Variants in CEP164 observed in about 807,000 individuals in gnomAD.
The protein encoded by CEP164 is centrosomal protein 164, also known as centrosomal protein of 164 kDa.
Under a neutral mutation model 182.7 loss-of-function variants are expected in CEP164, and 162 were observed. The observed-to-expected ratio is 0.89, with a 90% CI of 0.78 to 1.01. The LOEUF is 1.01. Ranked by LOEUF, CEP164 falls within the 50% of genes least tolerant of loss-of-function variation. The pLI, the probability that CEP164 is intolerant of heterozygous loss-of-function variation, is 0.00. For missense variants in CEP164, 1,735 were observed against 1,790.4 expected (o/e 0.97, Z 0.56); for synonymous variants, 661 against 690.0 (o/e 0.96, Z 0.66).
At chr11:117,406,934 A>G (rs1016624613) in intron 27 of CEP164, among the ~76,000 whole-genome samples, 3 of 152,208 alleles carry the variant, frequency 2.0e-5, no homozygotes, top group African/African-American at 7.2e-5. Context: ...TCTCTACTAA[A>G]AATTAAAAAA....
upstream of CEP164, among the ~76,000 whole-genome samples, chr11:117,327,513 G>T (rs1213831168): frequency 6.9e-6 from 1 of 145,868 alleles, no homozygotes; most frequent in Admixed American, 7.0e-5. Context: ...TGTTGGTCAG[G>T]CTGGTCTCGA....
chr11:117,399,729 T>G (rs763632073), intron 27 of CEP164, among the ~76,000 whole-genome samples: 13 of 152,152 alleles, frequency 8.5e-5, no homozygotes, highest in Non-Finnish European at 1.8e-4. Context: ...AGTTCTCTAA[T>G]GACCAGTGAT....
chr11:117,364,646 A>G (rs1031216365), intron 8 of CEP164, among the ~76,000 whole-genome samples: 3 of 150,284 alleles, frequency 2.0e-5, no homozygotes, highest in Non-Finnish European at 4.4e-5. Context: ...AGCTGGGACC[A>G]CAGGCGCCCG....
chr11:117,353,120 G>A (rs987530534), intron 5 of CEP164, among the ~76,000 whole-genome samples: 3 of 152,090 alleles, frequency 2.0e-5, no homozygotes, highest in Non-Finnish European at 2.9e-5. Context: ...CTGAAGAGAG[G>A]GAGGGACATA....
intron 11 of CEP164, among the ~76,000 whole-genome samples, chr11:117,376,771 C>T (rs1802671651): frequency 6.6e-6 from 1 of 152,150 alleles, no homozygotes; most frequent in Non-Finnish European, 1.5e-5. Flanking sequence ...TCTTGGTCAT[C>T]CTGTTTGCAG....
At chr11:117,371,546 C>A in intron 9 of CEP164, 80 bp downstream of exon 9, 1 of 1,490,696 alleles carries the variant, frequency 6.7e-7, no homozygotes, top group South Asian at 1.4e-5. Flanking sequence ...GTCCTATCCC[C>A]ACATCTTTAT....
Position 117,322,361 on chromosome 11 carries a change from C to T in CEP164, c.-98+7633C>T, listed in dbSNP as rs1238518076. ...CGATCTCCTGACCTCATGATCCGCCCGCCTCGACCTCCCAAATGCTGGATT... is the reference window on the plus strand; with the variant it reads ...CGATCTCCTGACCTCATGATCCGCCTGCCTCGACCTCCCAAATGCTGGATT... On this transcript the variant is annotated intron_variant, in intron 1 of 4. Coordinates refer to the CEP164 transcript ENST00000525734. Among the ~76,000 whole-genome samples the T allele has an allele frequency of 1.1e-4, 17 of 152,204 alleles. No homozygotes were observed. The East Asian group carries it at 2.3e-3, about 21-fold the overall frequency.
intron 4 of CEP164, among the ~76,000 whole-genome samples, chr11:117,350,548 A>G (rs189217810): frequency 2.6e-4 from 39 of 152,218 alleles, no homozygotes; most frequent in Non-Finnish European, 1.8e-4. Context: ...TCATTTGCAT[A>G]TCTTCTATCA....
At chr11:117,348,762 G>A (rs1163018010) in intron 4 of CEP164, among the ~76,000 whole-genome samples, 1 of 152,110 alleles carries the variant, frequency 6.6e-6, no homozygotes, top group Non-Finnish European at 1.5e-5. Context: ...TCCCCAAACT[G>A]AAACTCTATA....
upstream of CEP164, chr11:117,323,999 G>T: frequency 4.3e-6 from 1 of 233,616 alleles, no homozygotes; most frequent in Non-Finnish European, 9.2e-6. Flanking sequence ...TTCTAATAGT[G>T]GTTTCTGACC....
chr11:117,389,942 T>C (rs2044411565), intron 15 of CEP164, among the ~76,000 whole-genome samples: 1 of 146,998 alleles, frequency 6.8e-6, no homozygotes, highest in African/African-American at 2.5e-5. Flanking sequence ...AGTTTGCTTT[T>C]TTTTTTTTTT....
chr11:117,323,949 T>A (rs2035340043), upstream of CEP164: 2 of 311,898 alleles, frequency 6.4e-6, no homozygotes, highest in South Asian at 2.6e-5. Context: ...GTTATTTGGT[T>A]TTTTTTCTCT....
intron 27 of CEP164, among the ~76,000 whole-genome samples, chr11:117,398,716 G>A (rs1329447409): frequency 6.6e-6 from 1 of 152,320 alleles, no homozygotes; most frequent in East Asian, 1.9e-4. Flanking sequence ...GCTGTACCTT[G>A]CCCCCTTTTA....
At chr11:117,391,436 A>C (rs549784864) in intron 17 of CEP164, among the ~76,000 whole-genome samples, 82 of 152,206 alleles carry the variant, frequency 5.4e-4, no homozygotes, top group Middle Eastern at 3.4e-3. Flanking sequence ...AGGGCAGAGG[A>C]TGCAGCAGGC....
At chr11:117,383,297 T>C (rs2043551231) in intron 14 of CEP164, among the ~76,000 whole-genome samples, 1 of 152,224 alleles carries the variant, frequency 6.6e-6, no homozygotes, top group Non-Finnish European at 1.5e-5. Context: ...GTATGTACAC[T>C]GCAGTACATA....
At chr11:117,381,454 C>A (rs2043305294) in intron 12 of CEP164, among the ~76,000 whole-genome samples, 1 of 152,066 alleles carries the variant, frequency 6.6e-6, no homozygotes, top group Admixed American at 6.5e-5. Flanking sequence ...CAAGCAGAGG[C>A]AGTATAGGGA....
intron 5 of CEP164, chr11:117,355,742 C>T: frequency 8.7e-7 from 1 of 1,145,356 alleles, no homozygotes. Flanking sequence ...GGTCTCCAAG[C>T]TTGTCAATAA....
chr11:117,324,768 G>A (rs1416629895), upstream of CEP164, among the ~76,000 whole-genome samples: 1 of 151,946 alleles, frequency 6.6e-6, no homozygotes, highest in Non-Finnish European at 1.5e-5. Context: ...TTGGAAGGCC[G>A]AGGTGGGTGG....
rs780381078 is a variant in CEP164 at position 117,361,865 on chromosome 11, G to T, written c.424G>T (p.Val142Phe). Reference protein sequence around the residue: ...ALGSSLAPVHVPLGGLAPLRG... With the variant: ...ALGSSLAPVHFPLGGLAPLRG... ...GGGTTCCTCATTAGCCCCAGTTCAT[G>T]TTCCTCTTGGGGGCCTGGCTCCTTT... Residue 142 changes from valine to phenylalanine, a missense_variant, in exon 6 of 33, where the codon GTT becomes TTT. Physicochemically the swap from Val to Phe is conservative, Grantham distance 50. Transcript: ENST00000278935. 8 of 1,614,108 alleles carry T rather than the reference G, an allele frequency of 5.0e-6. No homozygotes were observed. The highest frequency in any genetic ancestry group is 6.8e-6 in the Non-Finnish European group (8 of 1,180,048).
Sources: allele counts gnomAD v4.1 joint callset (sites outside exome capture counted in the v4.1 genomes callset), GRCh38; gene constraint gnomAD v4.1.1; transcripts MANE v1.5; gene names NCBI Gene and HGNC (gene_info 2026-07-23, HGNC 2026-07-21).